SLC14A2: variants seen among roughly 807,000 people sequenced by gnomAD.
The protein encoded by SLC14A2 is solute carrier family 14 member 2.
In SLC14A2, 91 loss-of-function variants were observed where a neutral mutation model predicts 104.6. The ratio of observed to expected loss-of-function variants is 0.87; its 90% CI spans 0.73 to 1.04. SLC14A2 has a LOEUF of 1.04. Ranked by LOEUF, SLC14A2 falls within the 50% of genes least tolerant of loss-of-function variation. The pLI is 0.00. For missense variants in SLC14A2, 1,189 were observed against 1,156.0 expected, an observed-to-expected ratio of 1.03 and a Z score of -0.41; for synonymous variants, 476 against 466.4, an observed-to-expected ratio of 1.02 and a Z score of -0.27.
chr18:45,542,043 T>TTG (rs1568268266), intron 2 of SLC14A2, among the ~76,000 whole-genome samples: 3 of 114,312 alleles, frequency 2.6e-5, no homozygotes, highest in African/African-American at 9.0e-5. Flanking sequence ...GGGTTTTTTT[T>TTG]TTTTTTTTTT....
intron 2 of SLC14A2, among the ~76,000 whole-genome samples, chr18:45,520,146 A>G (rs970628436): frequency 1.3e-5 from 2 of 152,254 alleles, no homozygotes; most frequent in African/African-American, 4.8e-5. Flanking sequence ...CTTTAGCCAT[A>G]TTCTTGGAAT....
intron 1 of SLC14A2, among the ~76,000 whole-genome samples, chr18:45,269,260 A>C (rs1599630207): frequency 6.6e-6 from 1 of 152,040 alleles, no homozygotes; most frequent in Non-Finnish European, 1.5e-5. Flanking sequence ...TGCCTAAAGG[A>C]CATTCCTCTG....
chr18:45,511,096 T>TG (rs200977296), intron 2 of SLC14A2, among the ~76,000 whole-genome samples: 210 of 112,974 alleles, frequency 1.9e-3, no homozygotes, highest in African/African-American at 5.5e-3. Flanking sequence ...CTTTTATTGT[T>TG]GTTTTTTTTT....
chr18:45,579,981 G>A (rs73953206), intron 2 of SLC14A2, among the ~76,000 whole-genome samples: 2,506 of 152,270 alleles, frequency 0.016, 73 homozygotes, highest in African/African-American at 0.056. Flanking sequence ...TGGGGGACTC[G>A]GGAAGCCTTG....
chr18:45,578,792 C>G (rs747359245), intron 2 of SLC14A2, among the ~76,000 whole-genome samples: 4 of 152,232 alleles, frequency 2.6e-5, no homozygotes, highest in Non-Finnish European at 5.9e-5. Flanking sequence ...CAGAGTGTAT[C>G]AGTTAGCTAG....
chr18:45,171,558 T>C, the SLC14A2 span, among the ~76,000 whole-genome samples: 561 of 152,244 alleles, frequency 3.7e-3, 3 homozygotes, highest in Non-Finnish European at 6.3e-3. Flanking sequence ...TATGATTCTT[T>C]TGTTTTATAA....
At chr18:45,562,844 T>C (rs79156022) in intron 2 of SLC14A2, among the ~76,000 whole-genome samples, 5 of 152,240 alleles carry the variant, frequency 3.3e-5, no homozygotes, top group African/African-American at 1.2e-4. Flanking sequence ...TTGGTAAATA[T>C]TATTGTTTCA....
At chr18:45,333,833 C>A (rs1466803068) in intron 1 of SLC14A2, among the ~76,000 whole-genome samples, 1 of 152,194 alleles carries the variant, frequency 6.6e-6, no homozygotes, top group Non-Finnish European at 1.5e-5. Flanking sequence ...AAGCACTGAG[C>A]TCTGTACTAA....
chr18:45,254,150 C>T (rs1488193665), intron 1 of SLC14A2, among the ~76,000 whole-genome samples: 2 of 152,226 alleles, frequency 1.3e-5, no homozygotes, highest in Non-Finnish European at 2.9e-5. Context: ...GACTGTCAAC[C>T]AGCTCCTCTC....
chr18:45,445,146 C>T (rs893164336), intron 1 of SLC14A2, among the ~76,000 whole-genome samples: 34 of 127,104 alleles, frequency 2.7e-4, no homozygotes, highest in Non-Finnish European at 4.9e-4. Context: ...GAGTCTTGCT[C>T]TGTTCCCCAG....
intron 1 of SLC14A2, among the ~76,000 whole-genome samples, chr18:45,323,052 A>G (rs1013867840): frequency 6.6e-6 from 1 of 152,210 alleles, no homozygotes; most frequent in African/African-American, 2.4e-5. Context: ...ACCTGGCTGC[A>G]TCCTAATGAA....
At chr18:45,543,888 A>G (rs1295309126) in intron 2 of SLC14A2, among the ~76,000 whole-genome samples, 1 of 152,140 alleles carries the variant, frequency 6.6e-6, no homozygotes, top group Non-Finnish European at 1.5e-5. Flanking sequence ...CTAAACACCT[A>G]TGTTCTGAAA....
At chr18:45,397,628 G>T (rs1020236220) in intron 1 of SLC14A2, among the ~76,000 whole-genome samples, 3 of 152,168 alleles carry the variant, frequency 2.0e-5, no homozygotes, top group Non-Finnish European at 4.4e-5. Flanking sequence ...TGTTTACGCT[G>T]TTGATAGTTT....
intron 1 of SLC14A2, among the ~76,000 whole-genome samples, chr18:45,331,846 G>C (rs760820886): frequency 6.6e-6 from 1 of 152,058 alleles, no homozygotes; most frequent in Non-Finnish European, 1.5e-5. Context: ...ACTCAGACCT[G>C]CTTTGAAATA....
intron 5 of SLC14A2, among the ~76,000 whole-genome samples, chr18:45,636,522 G>A (rs531058342): frequency 1.1e-4 from 16 of 152,236 alleles, no homozygotes; most frequent in African/African-American, 3.9e-4. Context: ...GCTGAAACTA[G>A]ACCTGCAAAT....
rs766770004 is a variant in SLC14A2 at position 45,625,730 on chromosome 18, G to C, written c.198G>C (p.Lys66Asn). The C allele has an allele frequency of 1.9e-6, 3 of 1,563,918 alleles. No homozygotes were observed. Among genetic ancestry groups the C allele is most frequent in the Non-Finnish European group, 2.6e-6 (3 of 1,160,330 alleles). Residue 66 changes from lysine (K) to asparagine (N), a missense_variant, in exon 3 of 20, where the codon AAG becomes AAC. Lys to Asn is a moderately conservative substitution (Grantham distance 94). Coordinates refer to ENST00000255226, the MANE Select transcript of SLC14A2 (RefSeq NM_007163.4). ...NEDSHIVKIE[K>N]LNERSKRKDD... ...ACAGTCACATTGTGAAGATCGAAAA[G>C]CTCAATGAAAGGAGTAAAAGGAAAG...
chr18:45,244,341 G>C (rs55772547), intron 1 of SLC14A2, among the ~76,000 whole-genome samples: 1 of 151,954 alleles, frequency 6.6e-6, no homozygotes, highest in Non-Finnish European at 1.5e-5. Flanking sequence ...GGGGAGGGGG[G>C]TGGTGCTGGG....
At chr18:45,298,470 C>G (rs16978336) in intron 1 of SLC14A2, among the ~76,000 whole-genome samples, 1,711 of 152,306 alleles carry the variant, frequency 0.011, 33 homozygotes, top group African/African-American at 0.039. Flanking sequence ...CCTGTTTACT[C>G]TCTTCTGATC....
intron 1 of SLC14A2, among the ~76,000 whole-genome samples, chr18:45,415,672 T>C (rs1412099406): frequency 6.6e-6 from 1 of 152,186 alleles, no homozygotes; most frequent in Admixed American, 6.5e-5. Context: ...AGGGAGCTTA[T>C]ACCCGAAATG....
Sources: gnomAD v4.1 joint callset for allele counts (sites outside exome capture counted in the v4.1 genomes callset) on GRCh38, gnomAD v4.1.1 for gene constraint, MANE v1.5 for transcripts, NCBI Gene and HGNC (gene_info 2026-07-23, HGNC 2026-07-21) for gene names.